TRIM22: variants seen among roughly 807,000 people sequenced by gnomAD.
TRIM22 encodes the protein E3 ubiquitin-protein ligase TRIM22.
A neutral mutation model predicts 53.6 loss-of-function variants in TRIM22; 45 were observed. That is an observed-to-expected ratio of 0.84 (90% confidence interval 0.66 to 1.08). TRIM22 has a LOEUF of 1.08. Ranked by LOEUF, TRIM22 falls within the 50% of genes least tolerant of loss-of-function variation. The pLI is 0.00. For synonymous variants in TRIM22, 225 were observed against 216.6 expected (o/e 1.04, Z -0.34); for missense variants, 616 against 590.9 (o/e 1.04, Z -0.44).
At chr11:5,697,971 G>A (rs1472623366) in intron 3 of TRIM22, 1 of 231,400 alleles carries the variant, frequency 4.3e-6, no homozygotes. Context: ...CCAAAGTGCT[G>A]GGATTACAGG....
chr11:5,699,909 T>A (rs1340895926), intron 4 of TRIM22, among the ~76,000 whole-genome samples: 1 of 151,998 alleles, frequency 6.6e-6, no homozygotes, highest in African/African-American at 2.4e-5. Context: ...ATTTTTTTTT[T>A]ATTTCAAATT....
rs138529937 is a variant in TRIM22, at chr11:5,709,565, T to A, written c.1414T>A (p.Cys472Ser). 2.2e-5 allele frequency: 36 copies of A among 1,614,010 alleles called. 1 individual carries two copies. In the Middle Eastern group the frequency reaches 4.9e-4, roughly 22 times the overall value. Reference sequence around the variant, plus strand: ...AGCACTCATCTACAAGTTCTCTGGATGTCGCTTTTCTCGACCTGCTTATCC... The same window carrying A: ...AGCACTCATCTACAAGTTCTCTGGAAGTCGCTTTTCTCGACCTGCTTATCC... ...HGALIYKFSG[C>S]RFSRPAYPYF... Residue 472 changes from cysteine (C) to serine (S), a missense_variant, in exon 8 of 8, where the codon TGT becomes AGT. By Grantham distance (112) the Cys-to-Ser change is moderately radical (BLOSUM62 -1). Coordinates refer to ENST00000379965, the MANE Select transcript of TRIM22 (RefSeq NM_006074.5).
At chr11:5,698,241 C>A in intron 3 of TRIM22, 74 bp from the exon 4 acceptor site, 1 of 1,224,126 alleles carries the variant, frequency 8.2e-7, no homozygotes, top group South Asian at 1.3e-5. Context: ...TGTTCTTATC[C>A]TGTCTCCCAG....
intron 4 of TRIM22, among the ~76,000 whole-genome samples, chr11:5,700,737 C>T (rs994905752): frequency 1.3e-5 from 2 of 151,620 alleles, no homozygotes; most frequent in Admixed American, 6.6e-5. Flanking sequence ...CGGGTTCAAG[C>T]GATTCTCCTG....
At chr11:5,708,503 C>T in intron 6 of TRIM22, 74 bp from the exon 7 acceptor site, 1 of 1,425,230 alleles carries the variant, frequency 7.0e-7, no homozygotes, top group South Asian at 1.3e-5. Flanking sequence ...CCTTTCCCTA[C>T]TCTGGAGAAG....
chr11:5,699,096 T>C (rs75507183), intron 4 of TRIM22, among the ~76,000 whole-genome samples: 2,753 of 152,360 alleles, frequency 0.018, 40 homozygotes, highest in South Asian at 0.038. Context: ...TCATATTATG[T>C]TTATGTATTC....
rs1853258020 is a variant in TRIM22 at position 5,696,331 on chromosome 11, C to T, written c.99C>T (p.Ser33=). The part of the protein sequence containing the change: ...TEPLSLDCGH[S]FCQACITAKI... The stretch of plus-strand genomic sequence containing the variant: ...CTCTGAGCCTAGATTGTGGCCACAG[C>T]TTCTGCCAAGCCTGCATCACTGCAA... The change falls in exon 2 of 8, where the codon AGC becomes AGT. Residue 33 remains serine (S), a synonymous_variant. Transcript: ENST00000379965. The T allele has an allele frequency of 6.2e-7, 1 of 1,614,248 alleles. No homozygotes were observed. Among genetic ancestry groups the T allele is most frequent in the East Asian group, 2.2e-5 (1 of 44,890 alleles).
Position 5,698,398 on chromosome 11 carries a change from G to C in TRIM22, c.603G>C (p.Glu201Asp). The C allele has an allele frequency of 3.1e-6, 5 of 1,614,224 alleles. No homozygotes were observed. The highest frequency in any genetic ancestry group is 4.2e-6 in the Non-Finnish European group (5 of 1,180,038). Residue 201 changes from glutamate (E) to aspartate (D), a missense_variant, in exon 4 of 8, where the codon GAG becomes GAC. Coordinates refer to ENST00000379965, the MANE Select transcript of TRIM22 (RefSeq NM_006074.5). ...TCTTGGACAATGAGGAGCAGAGAGA[G>C]CTGCAAAAGCTGGAGGAAGGTGAGG... is the stretch of plus-strand genomic sequence containing the variant. ...RVILDNEEQRELQKLEEGEVN... is the reference protein window; with the variant it reads ...RVILDNEEQRDLQKLEEGEVN...
chr11:5,708,294 G>A (rs778468656), intron 6 of TRIM22, 21 bp downstream of exon 6: 3 of 1,600,614 alleles, frequency 1.9e-6, no homozygotes, highest in Non-Finnish European at 2.6e-6. Flanking sequence ...TCAGGGGAAG[G>A]CTGTGAATGT....
At chr11:5,693,654 G>T (rs1032329997) in intron 1 of TRIM22, among the ~76,000 whole-genome samples, 1 of 148,536 alleles carries the variant, frequency 6.7e-6, no homozygotes, top group Non-Finnish European at 1.5e-5. Flanking sequence ...CCCGAGAGGC[G>T]GAGCTGGCAA....
intron 4 of TRIM22, among the ~76,000 whole-genome samples, chr11:5,702,993 T>C (rs1342748698): frequency 1.3e-5 from 2 of 152,254 alleles, no homozygotes; most frequent in Non-Finnish European, 2.9e-5. Context: ...TGTATATTCT[T>C]TGAGATCATT....
At chr11:5,706,825 C>A (rs1853463804) in intron 5 of TRIM22, among the ~76,000 whole-genome samples, 3 of 152,126 alleles carry the variant, frequency 2.0e-5, no homozygotes. Context: ...TCGACGGAGG[C>A]CTTAGGAATA....
Position 5,710,807 on chromosome 11 carries a change from A to C in TRIM22, c.*1159A>C, listed in dbSNP as rs952816593. Reference sequence around the variant, plus strand: ...CAGCCATTTCAATGTCTTGGGAAACAATTTTTTGTTTTTGTTCTGTTTTCT... The same window carrying C: ...CAGCCATTTCAATGTCTTGGGAAACCATTTTTTGTTTTTGTTCTGTTTTCT... On this transcript the variant is annotated 3_prime_UTR_variant, in exon 8 of 8. Transcript: ENST00000379965. The C allele has an allele frequency of 1.3e-5, 2 of 152,182 alleles. No homozygotes were observed. The highest frequency in any genetic ancestry group is 4.8e-5 in the African/African-American group (2 of 41,458). The allele number at this position is 152,182 out of a possible 1,614,324, so 9.4% of individuals were successfully genotyped here.
At position 5,709,265 on chromosome 11, in the gene TRIM22, C is replaced by T. The variant is rs748507000; in HGVS notation, c.1114C>T (p.His372Tyr). 4.3e-6 allele frequency: 7 copies of T among 1,614,000 alleles called. No individual in the cohort carries two copies. The highest frequency in any genetic ancestry group is 1.7e-5 in the Admixed American group (1 of 59,998). ...SGKIAWILGV[H>Y]SKISSLNKRK... ...AAAGATTGCCTGGATCCTGGGCGTACACAGTAAAATAAGTAGTCTGAATAA... is the reference window on the plus strand; with the variant it reads ...AAAGATTGCCTGGATCCTGGGCGTATACAGTAAAATAAGTAGTCTGAATAA... Residue 372 changes from histidine (H) to tyrosine (Y), a missense_variant, in exon 8 of 8, where the codon CAC (histidine) becomes TAC (tyrosine). Physicochemically the swap from His to Tyr is moderately conservative, Grantham distance 83 (BLOSUM62 2). Coordinates refer to ENST00000379965, the MANE Select transcript of TRIM22 (RefSeq NM_006074.5).
At chr11:5,703,627 C>G (rs564894787) in intron 4 of TRIM22, among the ~76,000 whole-genome samples, 1 of 152,072 alleles carries the variant, frequency 6.6e-6, no homozygotes, top group South Asian at 2.1e-4. Flanking sequence ...CCTCGTGATC[C>G]GCCCACCTCA....
chr11:5,696,744 C>T (rs1027359103), intron 2 of TRIM22, 89 bp downstream of exon 2: 19 of 1,379,798 alleles, frequency 1.4e-5, no homozygotes, highest in Non-Finnish European at 1.7e-5. Flanking sequence ...GCTTTATTCC[C>T]CTTGTCACCA....
intron 1 of TRIM22, among the ~76,000 whole-genome samples, chr11:5,693,545 C>T (rs140731619): frequency 0.068 from 10,312 of 151,330 alleles, 436 homozygotes; most frequent in Non-Finnish European, 0.093. Context: ...ACAGTGAAAC[C>T]CCGTCTCTAC....
Position 5,709,868 on chromosome 11 carries a change from A to T in TRIM22, c.*220A>T. 1.9e-6 allele frequency: 1 copy of T among 529,206 alleles called. No individual in the cohort carries two copies. Among genetic ancestry groups the T allele is most frequent in the Non-Finnish European group, 3.3e-6 (1 of 300,668 alleles). The allele number at this position is 529,206 out of a possible 1,614,324, so 32.8% of individuals were successfully genotyped here. A position where few individuals can be genotyped will look rare whatever the true frequency, so the allele number is the denominator to read the frequency against. ...GCCGTACTGTGGGCTGGAAATCCCA[A>T]ATCTAGATTCCAGCAGAGTTGGTTC... is the stretch of plus-strand genomic sequence containing the variant. On this transcript the variant is annotated 3_prime_UTR_variant, in exon 8 of 8. Transcript: ENST00000379965.
intron 1 of TRIM22, among the ~76,000 whole-genome samples, chr11:5,695,839 T>C (rs996752779): frequency 7.9e-5 from 12 of 151,898 alleles, no homozygotes; most frequent in African/African-American, 2.7e-4. Flanking sequence ...ACATGGAAAA[T>C]GTGTTTTGGG....
Sources: gnomAD v4.1 joint callset for allele counts (sites outside exome capture counted in the v4.1 genomes callset) on GRCh38, gnomAD v4.1.1 for gene constraint, MANE v1.5 for transcripts, NCBI Gene and HGNC (gene_info 2026-07-23, HGNC 2026-07-21) for gene names.